The following PPDPFL variants were observed in gnomAD, a reference collection of about 807,000 sequenced individuals.
PPDPFL encodes the protein pancreatic progenitor cell differentiation and proliferation factor like.
PPDPFL carries 12 observed loss-of-function variants against 12.6 expected under a neutral mutation model. The observed-to-expected ratio is 0.95, with a 90% confidence interval of 0.61 to 1.54. The LOEUF is 1.54. Ranked by LOEUF, PPDPFL falls within the 40% of genes most tolerant of loss-of-function variation. The pLI, the probability that PPDPFL is intolerant of heterozygous loss-of-function variation, is 0.00. For missense variants in PPDPFL, 114 were observed against 96.0 expected, an observed-to-expected ratio of 1.19 and a Z score of -0.78; for synonymous variants, 24 against 32.7, an observed-to-expected ratio of 0.73 and a Z score of 0.91.
At chr8:49,058,799 G>A (rs950255423) in intron 1 of PPDPFL, among the ~76,000 whole-genome samples, 1 of 152,174 alleles carries the variant, frequency 6.6e-6, no homozygotes, top group African/African-American at 2.4e-5. Flanking sequence ...TGCTTAATTT[G>A]CTTGATGCTT....
chr8:49,063,812 T>G (rs1469905056), intron 1 of PPDPFL, among the ~76,000 whole-genome samples: 1 of 152,182 alleles, frequency 6.6e-6, no homozygotes, highest in African/African-American at 2.4e-5. Context: ...TAGATAATGG[T>G]AGACTTCCAA....
At chr8:49,074,563 TGGA>T (rs1485040429) in intron 4 of PPDPFL, 3 of 1,536,148 alleles carry the variant, frequency 2.0e-6, no homozygotes, top group South Asian at 2.4e-5. Flanking sequence ...TCAAGAGTGG[TGGA>T]GAAGTCATAT....
upstream of PPDPFL, among the ~76,000 whole-genome samples, chr8:49,070,877 T>C (rs917358683): frequency 6.6e-6 from 1 of 152,172 alleles, no homozygotes; most frequent in African/African-American, 2.4e-5. Flanking sequence ...TGCATGAGTG[T>C]GTGTGTGTGT....
At chr8:49,069,822 C>A (rs1222269163), upstream of PPDPFL, among the ~76,000 whole-genome samples, 1 of 152,154 alleles carries the variant, frequency 6.6e-6, no homozygotes, top group Non-Finnish European at 1.5e-5. Context: ...ATAGTCCCAG[C>A]TACTCAGGAG....
At chr8:49,075,118 C>T (rs1369698426) in intron 4 of PPDPFL, 34 bp from the exon 5 acceptor site, 1 of 1,609,244 alleles carries the variant, frequency 6.2e-7, no homozygotes, top group Non-Finnish European at 8.5e-7. Context: ...ATTTATTTAT[C>T]CCCTCCTCTC....
chr8:49,071,379 C>T (rs1176568940), upstream of PPDPFL, among the ~76,000 whole-genome samples: 1 of 152,040 alleles, frequency 6.6e-6, no homozygotes, highest in Non-Finnish European at 1.5e-5. Context: ...CAAAGCAGGC[C>T]GGGCGCAGTG....
chr8:49,074,929 T>A, intron 4 of PPDPFL: 2 of 1,377,372 alleles, frequency 1.5e-6, no homozygotes, highest in African/African-American at 1.5e-5. Flanking sequence ...TAGATGCCAA[T>A]GTTGAAATAT....
chr8:49,063,186 C>G (rs927081243), intron 1 of PPDPFL, among the ~76,000 whole-genome samples: 1 of 152,154 alleles, frequency 6.6e-6, no homozygotes, highest in South Asian at 2.1e-4. Context: ...ATCCACTGGT[C>G]GTAATGGCCA....
At chr8:49,064,494 C>A (rs1400211291) in intron 1 of PPDPFL, among the ~76,000 whole-genome samples, 1 of 152,076 alleles carries the variant, frequency 6.6e-6, no homozygotes, top group Admixed American at 6.5e-5. Context: ...ACTTACTATC[C>A]AAAGCCAGTG....
At chr8:49,074,579 C>CA in intron 4 of PPDPFL, 1 of 1,536,202 alleles carries the variant, frequency 6.5e-7, no homozygotes, top group Non-Finnish European at 8.7e-7. Context: ...AGTCATATGC[C>CA]AAACTGTGTC....
At chr8:49,063,481 A>G (rs1041170314) in intron 1 of PPDPFL, among the ~76,000 whole-genome samples, 1 of 152,270 alleles carries the variant, frequency 6.6e-6, no homozygotes, top group African/African-American at 2.4e-5. Context: ...GCACTTTGGG[A>G]GGCTGTGGCA....
intron 2 of PPDPFL, among the ~76,000 whole-genome samples, chr8:49,073,688 T>C (rs1808434479): frequency 6.6e-6 from 1 of 152,230 alleles, no homozygotes; most frequent in East Asian, 1.9e-4. Flanking sequence ...TGATGACTTC[T>C]GTAGAACTTT....
At chr8:49,060,675 G>A (rs1332779293) in intron 1 of PPDPFL, among the ~76,000 whole-genome samples, 3 of 151,654 alleles carry the variant, frequency 2.0e-5, no homozygotes, top group Non-Finnish European at 2.9e-5. Flanking sequence ...AGGATCAGCG[G>A]AAAAAAATGA....
chr8:49,075,242 AG>A lies in PPDPFL; in HGVS notation c.*70del, dbSNP rs1808474572. 20 of 1,613,910 alleles carry A rather than the reference AG, an allele frequency of 1.2e-5. No homozygotes were observed. Among genetic ancestry groups the A allele is most frequent in the Non-Finnish European group, 1.7e-5 (20 of 1,179,892 alleles). ...GTTGCCTGCCTTATGTAGCATGAAC[AG>A]TTGATTCTGACAATCAAGATCCTCT... On this transcript the variant is annotated 3_prime_UTR_variant, in exon 5 of 5. Transcript: ENST00000522267.
rs1350795193 is a variant in PPDPFL, at chr8:49,075,605, T to A, written c.*432T>A. The A allele has an allele frequency of 3.6e-6, 1 of 277,452 alleles. No individual in the cohort carries two copies. The highest frequency in any genetic ancestry group is 6.9e-6 in the Non-Finnish European group (1 of 145,768). The allele number at this position is 277,452 out of a possible 1,614,324, so 17.2% of individuals were successfully genotyped here. On this transcript the variant is annotated 3_prime_UTR_variant, in exon 5 of 5. Transcript: ENST00000522267. ...AAAAAAACTTAAGTTAGACTCTTTT[T>A]CTGTCTGTTGAGTGATTTATTTATT...
upstream of PPDPFL, among the ~76,000 whole-genome samples, chr8:49,070,262 G>A (rs1425652958): frequency 2.0e-5 from 3 of 152,142 alleles, no homozygotes; most frequent in Non-Finnish European, 2.9e-5. Context: ...GGCGGGAGGA[G>A]GGGGAGGATC....
chr8:49,067,904 T>C (rs960715572), upstream of PPDPFL, among the ~76,000 whole-genome samples: 3 of 152,192 alleles, frequency 2.0e-5, no homozygotes, highest in East Asian at 3.9e-4. Context: ...ATAAAAATGT[T>C]AGCACCCTCG....
intron 1 of PPDPFL, among the ~76,000 whole-genome samples, chr8:49,065,282 T>C (rs1022131122): frequency 2.0e-5 from 3 of 152,184 alleles, no homozygotes; most frequent in Admixed American, 6.5e-5. Flanking sequence ...GGTGGAAATA[T>C]CTTGTTGCTA....
At chr8:49,063,572 T>C (rs1808247021) in intron 1 of PPDPFL, among the ~76,000 whole-genome samples, 2 of 151,792 alleles carry the variant, frequency 1.3e-5, no homozygotes, top group Non-Finnish European at 2.9e-5. Flanking sequence ...ATACAAAAAT[T>C]AGCTAGGCAT....
Sources: gnomAD v4.1 joint callset for allele counts (sites outside exome capture counted in the v4.1 genomes callset) on GRCh38, gnomAD v4.1.1 for gene constraint, MANE v1.5 for transcripts, NCBI Gene and HGNC (gene_info 2026-07-23, HGNC 2026-07-21) for gene names.